The following THSD4 variants were observed in gnomAD, a reference collection of about 807,000 sequenced individuals.
THSD4 encodes thrombospondin type-1 domain-containing protein 4.
THSD4 carries 69 observed loss-of-function variants against 119.0 expected under a neutral mutation model. The observed-to-expected ratio is 0.58, with a 90% CI of 0.48 to 0.71. The LOEUF (loss-of-function observed/expected upper bound fraction) is 0.71. Among genes scored for constraint, THSD4 ranks in the 30% least tolerant of loss-of-function variants. The probability of loss-of-function intolerance (pLI) is 0.00; values close to 1 mark genes in which losing one functional copy is unlikely to be tolerated. For synonymous variants in THSD4, 524 were observed against 540.4 expected, an observed-to-expected ratio of 0.97 and a Z score of 0.42; for missense variants, 1,393 against 1,391.1, an observed-to-expected ratio of 1.00 and a Z score of -0.02.
chr15:71,268,139 C>G (rs891252797), intron 6 of THSD4, among the ~76,000 whole-genome samples: 1 of 152,164 alleles, frequency 6.6e-6, no homozygotes, highest in African/African-American at 2.4e-5. Context: ...CTCTCCACCC[C>G]AAATTAACAG....
At chr15:71,690,521 C>G (rs2052024899) in intron 8 of THSD4, among the ~76,000 whole-genome samples, 1 of 152,106 alleles carries the variant, frequency 6.6e-6, no homozygotes, top group Admixed American at 6.6e-5. Flanking sequence ...GAATAATGGC[C>G]CCCCAAAGTT....
intron 6 of THSD4, among the ~76,000 whole-genome samples, chr15:71,279,449 G>C (rs2044627262): frequency 1.3e-5 from 2 of 152,152 alleles, no homozygotes; most frequent in Admixed American, 6.5e-5. Context: ...TCCCACCCTT[G>C]GTGATAAATG....
chr15:71,238,374 G>A (rs1482739814), intron 4 of THSD4, among the ~76,000 whole-genome samples: 2 of 152,036 alleles, frequency 1.3e-5, no homozygotes, highest in Non-Finnish European at 2.9e-5. Flanking sequence ...AATAGTTTTT[G>A]GTATATTTAC....
chr15:71,394,336 A>T (rs1190814482), intron 6 of THSD4, among the ~76,000 whole-genome samples: 1 of 139,114 alleles, frequency 7.2e-6, no homozygotes, highest in Non-Finnish European at 1.5e-5. Context: ...GCAGTCGTGC[A>T]ATCTTGGCTC....
intron 1 of THSD4, among the ~76,000 whole-genome samples, chr15:71,123,396 G>A (rs545821101): frequency 1.3e-5 from 2 of 152,208 alleles, no homozygotes; most frequent in East Asian, 1.9e-4. Flanking sequence ...GTTTCCTCAT[G>A]TATGAAATGG....
intron 6 of THSD4, among the ~76,000 whole-genome samples, chr15:71,358,819 C>T (rs920304192): frequency 6.6e-6 from 1 of 152,138 alleles, no homozygotes; most frequent in Non-Finnish European, 1.5e-5. Flanking sequence ...TGGCTTCCTT[C>T]TGTGTAAAAT....
chr15:71,144,181 A>G (rs9744308), intron 2 of THSD4, among the ~76,000 whole-genome samples: 6,707 of 152,224 alleles, frequency 0.044, 511 homozygotes, highest in African/African-American at 0.15. Flanking sequence ...TTATGAGGAC[A>G]GCTGATTCTT....
In THSD4 at chr15:71,446,808, G is replaced by T. The variant is rs138059033; in HGVS notation, c.1152+34985G>T. On this transcript the variant is annotated intron_variant, in intron 7 of 17. Transcript: ENST00000261862. Reference sequence around the variant, plus strand: ...TGTCTGCCACAGATCTGAGCATCTCGGGAAGACATGAAGTCCAGCAGGAGG... The same window carrying T: ...TGTCTGCCACAGATCTGAGCATCTCTGGAAGACATGAAGTCCAGCAGGAGG... 3.1e-3 allele frequency among the ~76,000 whole-genome samples: 474 copies of T among 152,216 alleles called. 2 individuals carry two copies. The highest frequency in any genetic ancestry group is 9.7e-3 in the African/African-American group (404 of 41,512).
At chr15:71,477,844 A>G (rs1423553560) in intron 7 of THSD4, among the ~76,000 whole-genome samples, 2 of 152,152 alleles carry the variant, frequency 1.3e-5, no homozygotes, top group East Asian at 1.9e-4. Flanking sequence ...GTAAATCTTC[A>G]CTTGAATACA....
Position 71,444,352 on chromosome 15 carries a change from G to C in THSD4, c.1152+32529G>C, listed in dbSNP as rs144918588. Among the ~76,000 whole-genome samples, 416 of 152,262 alleles carry C rather than the reference G, an allele frequency of 2.7e-3. 2 individuals are homozygous for C. The highest frequency in any genetic ancestry group is 0.015 in the South Asian group (71 of 4,822). ...CTCAGTGGAGAATTCTAAAGCATGG[G>C]GTCCACCTGAAGAGTCCCAGACTGA... On this transcript the variant is annotated intron_variant, in intron 7 of 17. Transcript: ENST00000261862.
In THSD4 at chr15:71,416,313, C is replaced by T. The variant is rs144388577; in HGVS notation, c.1152+4490C>T. 3.0e-4 allele frequency among the ~76,000 whole-genome samples: 12 copies of T among 39,552 alleles called. 2 individuals carry two copies. The highest frequency in any genetic ancestry group is 8.8e-4 in the African/African-American group (12 of 13,596). The allele number at this position is 39,552 out of a possible 152,430, so 25.9% of individuals were successfully genotyped here. ...GTGAATAGTGTTGCAGATATCTCTT[C>T]GATACACTGATTTCTTTTCTTTGGG... On this transcript the variant is annotated intron_variant, in intron 7 of 17. Transcript: ENST00000261862.
chr15:71,468,234 G>A (rs12903237), intron 7 of THSD4, among the ~76,000 whole-genome samples: 23,479 of 152,048 alleles, frequency 0.15, 2,285 homozygotes, highest in East Asian at 0.3. Context: ...CTTCCCCTTC[G>A]CCTTCCACCA....
intron 8 of THSD4, among the ~76,000 whole-genome samples, chr15:71,720,038 T>TTTC (rs2052689433): frequency 3.5e-5 from 5 of 144,502 alleles, no homozygotes; most frequent in Admixed American, 6.9e-5. Flanking sequence ...TTTTTTTTCT[T>TTTC]TTTTTTTTTT....
At chr15:71,291,155 G>A (rs938680883) in intron 6 of THSD4, among the ~76,000 whole-genome samples, 2 of 152,004 alleles carry the variant, frequency 1.3e-5, no homozygotes, top group Non-Finnish European at 2.9e-5. Context: ...CCCCCATGTA[G>A]TTACAACTGA....
At chr15:71,320,917 T>G (rs571858729) in intron 6 of THSD4, among the ~76,000 whole-genome samples, 1 of 152,368 alleles carries the variant, frequency 6.6e-6, no homozygotes, top group East Asian at 1.9e-4. Flanking sequence ...GGTTTCATTT[T>G]CTTTTGTATT....
intron 8 of THSD4, among the ~76,000 whole-genome samples, chr15:71,716,791 G>A (rs978037802): frequency 1.3e-5 from 2 of 152,072 alleles, no homozygotes; most frequent in East Asian, 3.9e-4. Context: ...ATCCCCCCTT[G>A]CAGTATATAC....
intron 6 of THSD4, among the ~76,000 whole-genome samples, chr15:71,356,059 G>C (rs1035286400): frequency 6.6e-6 from 1 of 151,914 alleles, no homozygotes; most frequent in Admixed American, 6.6e-5. Flanking sequence ...GTAGAGACAG[G>C]GTTTCACCGT....
Position 71,276,871 on chromosome 15 carries a change from A to G in THSD4, c.1015+20156A>G, listed in dbSNP as rs147671729. ...TAATTTTTCAAGAGATGACCTTAGG[A>G]TGGGTGAAATTGTCAGGGGCTGGCC... On this transcript the variant is annotated intron_variant, in intron 6 of 17. Coordinates refer to ENST00000261862, the MANE Select transcript of THSD4 (RefSeq NM_024817.3). Among the ~76,000 whole-genome samples the G allele has an allele frequency of 1.5e-3, 221 of 152,332 alleles. 1 individual carries two copies. The highest frequency in any genetic ancestry group is 5.0e-3 in the African/African-American group (206 of 41,572).
intron 3 of THSD4, among the ~76,000 whole-genome samples, chr15:71,204,636 G>A (rs929388045): frequency 3.3e-5 from 5 of 152,122 alleles, no homozygotes; most frequent in Non-Finnish European, 7.3e-5. Flanking sequence ...ACAAAGAGAG[G>A]GACGGCAGAC....
Sources: gnomAD v4.1 joint callset for allele counts (sites outside exome capture counted in the v4.1 genomes callset) on GRCh38, gnomAD v4.1.1 for gene constraint, MANE v1.5 for transcripts, NCBI Gene and HGNC (gene_info 2026-07-23, HGNC 2026-07-21) for gene names.